Variants in RALGPS1 observed in about 807,000 individuals in gnomAD.
The protein encoded by RALGPS1 is Ral GEF with PH domain and SH3 binding motif 1, also known as ras-specific guanine nucleotide-releasing factor RalGPS1.
A neutral mutation model predicts 78.8 loss-of-function variants in RALGPS1; 19 were observed. The ratio of observed to expected loss-of-function variants is 0.24; its 90% CI spans 0.17 to 0.35. The LOEUF (loss-of-function observed/expected upper bound fraction) is 0.35. Ranked by LOEUF, RALGPS1 falls within the 10% of genes least tolerant of loss-of-function variation. The probability of loss-of-function intolerance (pLI) is 1.00; values close to 1 mark genes in which losing one functional copy is unlikely to be tolerated. For missense variants in RALGPS1, 454 were observed against 688.3 expected (o/e 0.66, Z 3.81); for synonymous variants, 228 against 256.3 (o/e 0.89, Z 1.06).
chr9:127,178,313 G>C (rs1413272533), intron 11 of RALGPS1: 7 of 387,516 alleles, frequency 1.8e-5, no homozygotes, highest in South Asian at 3.3e-5. Context: ...CCGAACAGAA[G>C]TGGCAAGTGG....
chr9:127,003,630 G>A (rs1303184394), intron 4 of RALGPS1, among the ~76,000 whole-genome samples: 3 of 152,112 alleles, frequency 2.0e-5, no homozygotes, highest in South Asian at 2.1e-4. Flanking sequence ...TTGCTGGCTC[G>A]TAAGGTGTGT....
intron 1 of RALGPS1, among the ~76,000 whole-genome samples, chr9:126,940,550 C>T (rs1051931496): frequency 2.0e-5 from 3 of 151,488 alleles, no homozygotes; most frequent in African/African-American, 4.8e-5. Flanking sequence ...CGCCATTCTC[C>T]TGCCTCAGCC....
chr9:127,011,486 A>AT (rs1350393122), intron 4 of RALGPS1, among the ~76,000 whole-genome samples: 1 of 152,128 alleles, frequency 6.6e-6, no homozygotes, highest in Non-Finnish European at 1.5e-5. Flanking sequence ...CCAAGAGCCC[A>AT]TTTTTTATGG....
In RALGPS1 at chr9:127,168,675, G is replaced by T; in HGVS notation, c.749-4G>T. 6.2e-7 allele frequency: 1 copy of T among 1,604,914 alleles called. No homozygotes were observed. Among genetic ancestry groups the T allele is most frequent in the Non-Finnish European group, 8.5e-7 (1 of 1,171,618 alleles). ...AGTTTCTGGATGTGGTCCACCTTTT[G>T]CAGATCACCTCACCACCCTGCCCCA... On this transcript the variant is annotated splice_region_variant and splice_polypyrimidine_tract_variant and intron_variant, in intron 9 of 18. Coordinates refer to ENST00000259351, the MANE Select transcript of RALGPS1 (RefSeq NM_014636.3).
intron 11 of RALGPS1, among the ~76,000 whole-genome samples, chr9:127,188,032 T>C (rs923447110): frequency 3.3e-5 from 5 of 150,802 alleles, no homozygotes; most frequent in African/African-American, 1.2e-4. Context: ...GGTTCTGATA[T>C]ATTCTTTGGT....
rs1435909742 is a variant in RALGPS1 at position 127,001,177 on chromosome 9, A to G, written c.216+23432A>G. Among the ~76,000 whole-genome samples the G allele has an allele frequency of 6.6e-5, 10 of 151,582 alleles. No individual in the cohort carries two copies. The East Asian group carries it at 2.0e-3, about 30-fold the overall frequency. ...GTGGTGCATGCCTGTCGTCCCAGCTATTAGGAGGCTGAGGTGGGGGGATCA... is the reference window on the plus strand; with the variant it reads ...GTGGTGCATGCCTGTCGTCCCAGCTGTTAGGAGGCTGAGGTGGGGGGATCA... On this transcript the variant is annotated intron_variant, in intron 4 of 18. Transcript: ENST00000259351.
chr9:127,174,867 G>A (rs2059765944), intron 11 of RALGPS1, 85 bp downstream of exon 11: 1 of 1,252,944 alleles, frequency 8.0e-7, no homozygotes, highest in Non-Finnish European at 1.2e-6. Flanking sequence ...GGGAGGCCAA[G>A]GGCAAATCAA....
rs968011060 is a variant in RALGPS1, at chr9:127,120,827, CA to C, written c.611-45227del. Among the ~76,000 whole-genome samples the C allele has an allele frequency of 4.9e-3, 597 of 121,590 alleles. 2 individuals carry two copies. Among genetic ancestry groups the C allele is most frequent in the African/African-American group, 6.9e-3 (225 of 32,824 alleles). 79.8% of individuals were successfully genotyped at this position (121,590 alleles called of 152,430 possible). On this transcript the variant is annotated intron_variant, in intron 8 of 18. Coordinates refer to ENST00000259351, the MANE Select transcript of RALGPS1 (RefSeq NM_014636.3). ...TGGGTGACAGAGCGAGACTCCATCT[CA>C]AAAAAAAAAAAAAAGAATTCGTGTC...
intron 5 of RALGPS1, among the ~76,000 whole-genome samples, chr9:127,046,884 G>A (rs1317647669): frequency 6.6e-6 from 1 of 151,216 alleles, no homozygotes; most frequent in East Asian, 1.9e-4. Flanking sequence ...AACAAAAAAA[G>A]TTAACTGAAA....
chr9:126,965,053 A>G (rs2039338154), intron 2 of RALGPS1, among the ~76,000 whole-genome samples: 1 of 152,226 alleles, frequency 6.6e-6, no homozygotes, highest in South Asian at 2.1e-4. Flanking sequence ...AAGTATATTC[A>G]ACATTCTGGG....
In RALGPS1 at chr9:127,101,493, GACCCTCCATCCTTC is replaced by G. The variant is rs1188061185; in HGVS notation, c.610+32155_610+32168del. ...CTCCATCCTTCAATCCTCTATCCTT[GACCCTCCATCCTTC>G]ACCCTCCATCCTTCACCATCCTGAG... is the stretch of plus-strand genomic sequence containing the variant. On this transcript the variant is annotated intron_variant, in intron 8 of 18. Transcript: ENST00000259351. Among the ~76,000 whole-genome samples, 9 of 152,062 alleles carry G rather than the reference GACCCTCCATCCTTC, an allele frequency of 5.9e-5. No individual in the cohort carries two copies. The South Asian group carries it at 8.3e-4, about 14-fold the overall frequency.
chr9:127,015,566 C>G (rs2044738518), intron 4 of RALGPS1, among the ~76,000 whole-genome samples: 1 of 152,068 alleles, frequency 6.6e-6, no homozygotes, highest in African/African-American at 2.4e-5. Flanking sequence ...TCAGTGTGTT[C>G]CCACTGTATT....
At chr9:127,001,069 TAGTG>T (rs879712136) in intron 4 of RALGPS1, among the ~76,000 whole-genome samples, 1 of 149,872 alleles carries the variant, frequency 6.7e-6, no homozygotes, top group Non-Finnish European at 1.5e-5. Context: ...GAGCCTAACA[TAGTG>T]AGACTCTGTC....
intron 8 of RALGPS1, among the ~76,000 whole-genome samples, chr9:127,165,169 C>T (rs2059229485): frequency 6.6e-6 from 1 of 152,246 alleles, no homozygotes; most frequent in Non-Finnish European, 1.5e-5. Context: ...TGCTTTATGT[C>T]ACTTCTCCTG....
chr9:127,090,136 A>G (rs2052291197), intron 8 of RALGPS1, among the ~76,000 whole-genome samples: 1 of 152,124 alleles, frequency 6.6e-6, no homozygotes, highest in Non-Finnish European at 1.5e-5. Context: ...GCAGTGTTGG[A>G]CTGGTATAGC....
rs1291589776 is a variant in RALGPS1 at position 127,210,675 on chromosome 9, T to G, written c.1248-1456T>G. ...GGTCTTTCAAAGCTGTTGCTAAAAT[T>G]TAACCCTTTTCCTCTGAAGCAGGGG... On this transcript the variant is annotated intron_variant, in intron 14 of 18. Coordinates refer to ENST00000259351, the MANE Select transcript of RALGPS1 (RefSeq NM_014636.3). The G allele has an allele frequency of 4.5e-6, 7 of 1,539,262 alleles. No individual in the cohort carries two copies. The highest frequency in any genetic ancestry group is 6.2e-6 in the Non-Finnish European group (7 of 1,136,990).
chr9:126,934,334 TGGGAA>T (rs1480328108), intron 1 of RALGPS1, among the ~76,000 whole-genome samples: 1 of 152,218 alleles, frequency 6.6e-6, no homozygotes, highest in South Asian at 2.1e-4. Flanking sequence ...AGAGATGTGC[TGGGAA>T]GGTATGTCCT....
At chr9:127,067,316 A>G (rs1349173278) in intron 7 of RALGPS1, among the ~76,000 whole-genome samples, 1 of 152,180 alleles carries the variant, frequency 6.6e-6, no homozygotes, top group Non-Finnish European at 1.5e-5. Context: ...TTATTCTTCA[A>G]CTTCTTCAGC....
intron 8 of RALGPS1, among the ~76,000 whole-genome samples, chr9:127,141,632 A>G (rs1008124990): frequency 2.0e-5 from 3 of 151,208 alleles, no homozygotes; most frequent in South Asian, 2.1e-4. Context: ...AAAAAAAAAA[A>G]AAAAAAAAGA....
Sources: allele counts gnomAD v4.1 joint callset (sites outside exome capture counted in the v4.1 genomes callset), GRCh38; gene constraint gnomAD v4.1.1; transcripts MANE v1.5; gene names NCBI Gene and HGNC (gene_info 2026-07-23, HGNC 2026-07-21).